The following PAH variants were observed in gnomAD, a reference collection of about 807,000 sequenced individuals.
PAH encodes the protein phenylalanine-4-hydroxylase.
Under a neutral mutation model 62.0 loss-of-function variants are expected in PAH, and 64 were observed. The ratio of observed to expected loss-of-function variants is 1.03; its 90% CI spans 0.84 to 1.27. PAH has a LOEUF of 1.27. Among genes scored for constraint, PAH ranks in the 50% most tolerant of loss-of-function variants. The pLI, the probability that PAH is intolerant of heterozygous loss-of-function variation, is 0.00. For synonymous variants in PAH, 195 were observed against 196.2 expected (o/e 0.99, Z 0.05); for missense variants, 579 against 542.8 (o/e 1.07, Z -0.66).
At chr12:102,942,247 A>G (rs1879321539) in intron 1 of PAH, among the ~76,000 whole-genome samples, 1 of 152,186 alleles carries the variant, frequency 6.6e-6, no homozygotes, top group African/African-American at 2.4e-5. Flanking sequence ...TCAATGTATA[A>G]AAATTAGTAG....
chr12:102,939,728 T>C (rs975037819), intron 1 of PAH, among the ~76,000 whole-genome samples: 1 of 152,138 alleles, frequency 6.6e-6, no homozygotes, highest in African/African-American at 2.4e-5. Context: ...ATGATTCCAA[T>C]TGGCAGTGCT....
In PAH at chr12:102,917,181, G is replaced by T; in HGVS notation, c.-51C>A. The T allele has an allele frequency of 1.3e-6, 2 of 1,562,064 alleles. No homozygotes were observed. Reference sequence around the variant, plus strand: ...TGGCTTTTTAGGGCCTCAGGTACAGGCAGGTTTGCAAACAGCACGTGGGGC... The same window carrying T: ...TGGCTTTTTAGGGCCTCAGGTACAGTCAGGTTTGCAAACAGCACGTGGGGC... On this transcript the variant is annotated 5_prime_UTR_variant, in exon 1 of 13. Coordinates refer to ENST00000553106, the MANE Select transcript of PAH (RefSeq NM_000277.3).
intron 3 of PAH, among the ~76,000 whole-genome samples, chr12:102,891,924 C>T (rs1433062381): frequency 6.6e-6 from 1 of 152,216 alleles, no homozygotes; most frequent in East Asian, 1.9e-4. Context: ...TGAATTGCCC[C>T]AGGATCTGGC....
At chr12:102,866,689 T>A (rs777251688) in intron 4 of PAH, 26 bp from the exon 5 acceptor site, 1 of 1,588,250 alleles carries the variant, frequency 6.3e-7, no homozygotes, top group African/African-American at 1.3e-5. Flanking sequence ...CACCTGATTT[T>A]TCAAGGCTTC....
intron 4 of PAH, among the ~76,000 whole-genome samples, chr12:102,875,535 A>T (rs1485359698): frequency 6.6e-6 from 1 of 152,206 alleles, no homozygotes; most frequent in Non-Finnish European, 1.5e-5. Context: ...TTGATGGCTA[A>T]GAGGCCCCAG....
rs148384566 is a variant in PAH at position 102,887,836 on chromosome 12, T to C, written c.352+6899A>G. ...ATCCTGGCTCTTGACTCTAAATTCATGGCCCTTAGTGCATCACGACAATAC... is the reference window on the plus strand; with the variant it reads ...ATCCTGGCTCTTGACTCTAAATTCACGGCCCTTAGTGCATCACGACAATAC... On this transcript the variant is annotated intron_variant, in intron 3 of 12. Coordinates refer to ENST00000553106, the MANE Select transcript of PAH (RefSeq NM_000277.3). 4.6e-5 allele frequency among the ~76,000 whole-genome samples: 7 copies of C among 152,306 alleles called. 1 individual carries two copies. In the East Asian group the frequency reaches 1.4e-3, roughly 29 times the overall value.
chr12:102,931,942 A>G (rs564792221), intron 1 of PAH, among the ~76,000 whole-genome samples: 5 of 152,202 alleles, frequency 3.3e-5, no homozygotes, highest in Non-Finnish European at 7.3e-5. Context: ...AATGAAGCAG[A>G]CACAGCCCCT....
chr12:102,941,537 C>A (rs923917650), intron 1 of PAH, among the ~76,000 whole-genome samples: 2 of 151,966 alleles, frequency 1.3e-5, no homozygotes, highest in Non-Finnish European at 2.9e-5. Context: ...GACTTTAAAC[C>A]AACAATGATA....
At chr12:102,903,232 G>A (rs1242728350) in intron 2 of PAH, among the ~76,000 whole-genome samples, 1 of 151,964 alleles carries the variant, frequency 6.6e-6, no homozygotes, top group Non-Finnish European at 1.5e-5. Flanking sequence ...ATAGTGGCAG[G>A]TGCCTGTAAT....
At chr12:102,847,535 C>G (rs1874905520) in intron 8 of PAH, among the ~76,000 whole-genome samples, 1 of 152,136 alleles carries the variant, frequency 6.6e-6, no homozygotes, top group African/African-American at 2.4e-5. Context: ...AATTCACTCT[C>G]AAAATATTTA....
At chr12:102,913,173 C>A (rs957661690) in intron 1 of PAH, among the ~76,000 whole-genome samples, 19 of 152,172 alleles carry the variant, frequency 1.2e-4, no homozygotes, top group Non-Finnish European at 2.5e-4. Context: ...AAATTCAATA[C>A]CTTTTATTGA....
chr12:102,958,187 C>A, intron 1 of PAH: 3 of 1,353,708 alleles, frequency 2.2e-6, no homozygotes, highest in Middle Eastern at 2.5e-4. Flanking sequence ...CCCTCGCGGG[C>A]CCCGCACCTC....
At position 102,917,120 on chromosome 12, in the gene PAH, G is replaced by A. The variant is rs765022724; in HGVS notation, c.11C>T (p.Ala4Val). The A allele has an allele frequency of 5.0e-6, 8 of 1,614,050 alleles. No individual in the cohort carries two copies. The African/African-American group carries it at 8.0e-5, about 16-fold the overall frequency. ...GCCCAAGCCTGGGTTTTCCAGGACC[G>A]CAGTGGACATGCTGGCTCCCCGGGA... MST[A>V]VLENPGLGRK... The change falls in exon 1 of 13, where the codon GCG becomes GTG. Residue 4 changes from alanine to valine, a missense_variant. By Grantham distance (64) the Ala-to-Val change is moderately conservative. Coordinates refer to ENST00000553106, the MANE Select transcript of PAH (RefSeq NM_000277.3).
At chr12:102,952,430 G>A (rs1437837737), upstream of PAH, among the ~76,000 whole-genome samples, 1 of 151,988 alleles carries the variant, frequency 6.6e-6, no homozygotes, top group African/African-American at 2.4e-5. Context: ...GGAGGAGGAG[G>A]GAAGGAAAGC....
rs1230471873 is a variant in PAH at position 102,839,074 on chromosome 12, T to C, written c.*101A>G. On this transcript the variant is annotated 3_prime_UTR_variant, in exon 13 of 13. Coordinates refer to ENST00000553106, the MANE Select transcript of PAH (RefSeq NM_000277.3). ...TCTTGTAAAGGATTTAAGGCTGTTA[T>C]TTCAAATTAAGGTTTGCTTTTCGGA... The C allele has an allele frequency of 2.9e-6, 3 of 1,023,490 alleles. No individual in the cohort carries two copies. The African/African-American group carries it at 4.7e-5, about 16-fold the overall frequency. The allele number at this position is 1,023,490 out of a possible 1,614,324, so 63.4% of individuals were successfully genotyped here.
At chr12:102,863,147 T>A (rs1328300414) in intron 5 of PAH, among the ~76,000 whole-genome samples, 1 of 152,186 alleles carries the variant, frequency 6.6e-6, no homozygotes, top group Non-Finnish European at 1.5e-5. Context: ...GGGCTAAACA[T>A]AAGTACCTGT....
intron 11 of PAH, 140 bp from the exon 12 acceptor site, chr12:102,840,655 G>A (rs1874555705): frequency 1.4e-6 from 1 of 703,242 alleles, no homozygotes; most frequent in Non-Finnish European, 2.6e-6. Context: ...CCAGGGCTGA[G>A]GCGGGGGGAA....
chr12:102,902,127 ATGAACC>A (rs1034162822), intron 2 of PAH, among the ~76,000 whole-genome samples: 1 of 152,216 alleles, frequency 6.6e-6, no homozygotes, highest in African/African-American at 2.4e-5. Flanking sequence ...ACCTTTAAGC[ATGAACC>A]TGAAATCAGT....
intron 8 of PAH, among the ~76,000 whole-genome samples, chr12:102,849,255 G>A (rs141489482): frequency 1.8e-4 from 28 of 152,328 alleles, no homozygotes; most frequent in Non-Finnish European, 8.8e-5. Flanking sequence ...TCAGCTGGAA[G>A]GGCGGAATTC....
Sources: gnomAD v4.1 joint callset for allele counts (sites outside exome capture counted in the v4.1 genomes callset) on GRCh38, gnomAD v4.1.1 for gene constraint, MANE v1.5 for transcripts, NCBI Gene and HGNC (gene_info 2026-07-23, HGNC 2026-07-21) for gene names.